TECPR2: variants seen among roughly 807,000 people sequenced by gnomAD.
The protein encoded by TECPR2 is tectonin beta-propeller repeat-containing protein 2.
TECPR2 carries 65 observed loss-of-function variants against 138.1 expected under a neutral mutation model. The observed-to-expected ratio is 0.47, with a 90% CI of 0.39 to 0.58. TECPR2 has a LOEUF of 0.58. Ranked by LOEUF, TECPR2 falls within the 20% of genes least tolerant of loss-of-function variation. TECPR2 has a pLI of 0.00. For missense variants in TECPR2, 1,553 were observed against 1,824.5 expected (o/e 0.85, Z 2.71); for synonymous variants, 746 against 749.8 (o/e 0.99, Z 0.08).
At chr14:102,424,032 A>G (rs1343352188) in intron 5 of TECPR2, among the ~76,000 whole-genome samples, 1 of 152,178 alleles carries the variant, frequency 6.6e-6, no homozygotes, top group Non-Finnish European at 1.5e-5. Flanking sequence ...GTCACCTAAC[A>G]ACTGGAATAT....
In TECPR2 at chr14:102,500,989, A is replaced by C. The variant is rs1403988659; in HGVS notation, c.*2732A>C. On this transcript the variant is annotated 3_prime_UTR_variant, in exon 20 of 20. Coordinates refer to ENST00000359520, the MANE Select transcript of TECPR2 (RefSeq NM_014844.5). ...TAGAACTGCAGACCTGTGCTGTTTG[A>C]TGCCTCCTCACTGTCCCGTCACTCC... is the stretch of plus-strand genomic sequence containing the variant. 6.6e-6 allele frequency: 1 copy of C among 152,268 alleles called. No individual in the cohort carries two copies. The highest frequency in any genetic ancestry group is 1.9e-4 in the East Asian group (1 of 5,194). The allele number at this position is 152,268 out of a possible 1,614,324, so 9.4% of individuals were successfully genotyped here.
At chr14:102,411,698 TCAAA>T (rs1888871150) in intron 4 of TECPR2, among the ~76,000 whole-genome samples, 2 of 9,670 alleles carry the variant, frequency 2.1e-4, no homozygotes, top group Non-Finnish European at 3.8e-4. Context: ...GCCATGTTGC[TCAAA>T]AAAAAAAAAA....
At chr14:102,460,212 G>A (rs1890372285) in intron 16 of TECPR2, among the ~76,000 whole-genome samples, 2 of 152,102 alleles carry the variant, frequency 1.3e-5, no homozygotes, top group African/African-American at 2.4e-5. Flanking sequence ...AGAGGCTCCA[G>A]TGAGCCAAGA....
Position 102,369,879 on chromosome 14 carries a change from C to T in TECPR2, c.-73+6763C>T, listed in dbSNP as rs941291978. Among the ~76,000 whole-genome samples the T allele has an allele frequency of 2.6e-5, 4 of 151,880 alleles. No individual in the cohort carries two copies. In the South Asian group the frequency reaches 6.2e-4, roughly 24 times the overall value. On this transcript the variant is annotated intron_variant, in intron 1 of 19. Coordinates refer to ENST00000359520, the MANE Select transcript of TECPR2 (RefSeq NM_014844.5). ...AGGCTGAGGCAGAATGGCATGAACCCGGGAGGCGGAGCTTGCAGTGAGCCG... is the reference window on the plus strand; with the variant it reads ...AGGCTGAGGCAGAATGGCATGAACCTGGGAGGCGGAGCTTGCAGTGAGCCG...
intron 10 of TECPR2, among the ~76,000 whole-genome samples, chr14:102,439,110 C>T (rs1043422307): frequency 2.0e-5 from 3 of 151,950 alleles, no homozygotes; most frequent in African/African-American, 4.8e-5. Flanking sequence ...ATGATCCGCC[C>T]GCCTCAGCCT....
Position 102,449,724 on chromosome 14 carries a change from C to G in TECPR2, c.3171C>G (p.Pro1057=). ...CGGTGGCCACAGCAGCCCAAGCCCC[C>G]GTAGAAAAGGTGGCAGATAAGCTGC... ...THSVATAAQA[P]VEKVADKLRM... is the part of the protein sequence containing the mutation. Residue 1057 remains proline (P), a synonymous_variant, in exon 14 of 20, where the codon CCC becomes CCG. Transcript: ENST00000359520. The G allele has an allele frequency of 6.2e-7, 1 of 1,614,124 alleles. No homozygotes were observed. Among genetic ancestry groups the G allele is most frequent in the Non-Finnish European group, 8.5e-7 (1 of 1,180,040 alleles).
Position 102,498,110 on chromosome 14 carries a change from G to A in TECPR2, c.4089G>A (p.Ala1363=), listed in dbSNP as rs139314486. ...TGGCTCTTGTCCCTGCAGTGACTGC[G>A]TCAGATGAGCTGTGGGCTGTGGGCC... ...PGSVSCFTVT[A]SDELWAVGPP... is the part of the protein sequence containing the mutation. Residue 1363 remains alanine, a synonymous_variant, in exon 20 of 20, where the codon GCG becomes GCA. Coordinates refer to ENST00000359520, the MANE Select transcript of TECPR2 (RefSeq NM_014844.5). The A allele has an allele frequency of 2.0e-3, 3,210 of 1,613,388 alleles. 9 individuals carry two copies. The highest frequency in any genetic ancestry group is 2.4e-3 in the Non-Finnish European group (2,797 of 1,179,906).
intron 11 of TECPR2, among the ~76,000 whole-genome samples, chr14:102,441,953 G>A (rs1483831766): frequency 6.6e-6 from 1 of 152,162 alleles, no homozygotes; most frequent in Non-Finnish European, 1.5e-5. Flanking sequence ...TCTTCCAGGC[G>A]TTTAATGTTG....
At chr14:102,407,302 T>C in intron 2 of TECPR2, 36 bp from the exon 3 acceptor site, 1 of 1,558,952 alleles carries the variant, frequency 6.4e-7, no homozygotes, top group Non-Finnish European at 8.7e-7. Flanking sequence ...AAAGCCTGCA[T>C]AGTTACAGAT....
intron 2 of TECPR2, among the ~76,000 whole-genome samples, chr14:102,387,550 G>A (rs138077872): frequency 0.01 from 1,549 of 148,604 alleles, 30 homozygotes; most frequent in African/African-American, 0.036. Flanking sequence ...TTTTTGAGAC[G>A]GAGTCTTGCT....
chr14:102,495,306 C>T (rs987358862), intron 17 of TECPR2, among the ~76,000 whole-genome samples: 1 of 152,178 alleles, frequency 6.6e-6, no homozygotes, highest in Non-Finnish European at 1.5e-5. Context: ...GTTTTGGCTG[C>T]GGAGCTGCGA....
intron 16 of TECPR2, among the ~76,000 whole-genome samples, chr14:102,463,957 A>G (rs1042762076): frequency 1.3e-5 from 2 of 152,112 alleles, no homozygotes; most frequent in African/African-American, 2.4e-5. Context: ...AAAACAAACA[A>G]TTCAACTTAG....
At chr14:102,478,331 G>A (rs145323887) in intron 17 of TECPR2, among the ~76,000 whole-genome samples, 53 of 152,122 alleles carry the variant, frequency 3.5e-4, no homozygotes, top group Admixed American at 1.8e-3. Flanking sequence ...TTACAGATGT[G>A]AGCCACCATG....
At chr14:102,437,560 G>GA (rs144527153) in intron 9 of TECPR2, among the ~76,000 whole-genome samples, 32 of 145,694 alleles carry the variant, frequency 2.2e-4, no homozygotes, top group East Asian at 4.0e-4. Context: ...TCTCAAAAAG[G>GA]AAAAAAAAAA....
At chr14:102,449,967 T>C (rs1595132630) in intron 14 of TECPR2, 98 bp downstream of exon 14, 1 of 1,532,514 alleles carries the variant, frequency 6.5e-7, no homozygotes, top group Non-Finnish European at 8.8e-7. Flanking sequence ...CTTGAAAAGA[T>C]AATTTAGTGC....
chr14:102,426,425 C>A (rs1173707358), intron 6 of TECPR2, among the ~76,000 whole-genome samples: 2 of 152,190 alleles, frequency 1.3e-5, no homozygotes, highest in Non-Finnish European at 2.9e-5. Context: ...AAACTCCCTG[C>A]CTTACCCTCC....
At chr14:102,440,319 G>A (rs1889794914) in intron 10 of TECPR2, 117 bp from the exon 11 acceptor site, 2 of 1,391,208 alleles carry the variant, frequency 1.4e-6, no homozygotes, top group South Asian at 1.4e-5. Context: ...CACTTGGGGG[G>A]ACAGAACAGG....
At chr14:102,452,858 G>A (rs1426363026) in intron 16 of TECPR2, among the ~76,000 whole-genome samples, 2 of 152,200 alleles carry the variant, frequency 1.3e-5, no homozygotes, top group African/African-American at 2.4e-5. Context: ...GTCAGAACCC[G>A]AGGAGGGTGT....
Position 102,434,214 on chromosome 14 carries a change from A to G in TECPR2, c.1418-21A>G, listed in dbSNP as rs745366430. 8 of 1,345,564 alleles carry G rather than the reference A, an allele frequency of 5.9e-6. No individual in the cohort carries two copies. In the Admixed American group the frequency reaches 1.4e-4, roughly 23 times the overall value. 83.4% of individuals were successfully genotyped at this position (1,345,564 alleles called of 1,614,324 possible). The stretch of plus-strand genomic sequence containing the variant: ...TCATATAGAACCGTGCCTTATTTTG[A>G]ATGTTCTTATTCTGAATTAGAAGGT... On this transcript the variant is annotated intron_variant, in intron 8 of 19. Coordinates refer to ENST00000359520, the MANE Select transcript of TECPR2 (RefSeq NM_014844.5).
Sources: gnomAD v4.1 joint callset for allele counts (sites outside exome capture counted in the v4.1 genomes callset) on GRCh38, gnomAD v4.1.1 for gene constraint, MANE v1.5 for transcripts, NCBI Gene and HGNC (gene_info 2026-07-23, HGNC 2026-07-21) for gene names.